The following DNPEP variants were observed in gnomAD, a reference collection of about 807,000 sequenced individuals.
DNPEP encodes aspartyl aminopeptidase.
A neutral mutation model predicts 59.1 loss-of-function variants in DNPEP; 46 were observed. The ratio of observed to expected loss-of-function variants is 0.78; its 90% confidence interval spans 0.61 to 0.99. The LOEUF (loss-of-function observed/expected upper bound fraction) is 0.99. Ranked by LOEUF, DNPEP falls within the 50% of genes least tolerant of loss-of-function variation. The pLI is 0.00. For missense variants in DNPEP, 617 were observed against 649.9 expected (o/e 0.95, Z 0.55); for synonymous variants, 229 against 242.2 (o/e 0.95, Z 0.50).
At chr2:219,377,537 A>G (rs1953423658) in intron 13 of DNPEP, among the ~76,000 whole-genome samples, 1 of 152,104 alleles carries the variant, frequency 6.6e-6, no homozygotes, top group Non-Finnish European at 1.5e-5. Flanking sequence ...AGGGTGGGCC[A>G]AATACCTGTA....
upstream of DNPEP, among the ~76,000 whole-genome samples, chr2:219,390,358 C>T (rs1457841389): frequency 1.3e-5 from 2 of 151,758 alleles, no homozygotes; most frequent in Admixed American, 1.3e-4. Flanking sequence ...GAAGGGTAGC[C>T]TAATTTAAAA....
chr2:219,384,131 T>A (rs758525950), intron 9 of DNPEP, among the ~76,000 whole-genome samples: 15 of 152,088 alleles, frequency 9.9e-5, no homozygotes, highest in Non-Finnish European at 1.8e-4. Flanking sequence ...TGAAACAACT[T>A]CTCCTCCTTC....
upstream of DNPEP, chr2:219,387,983 G>A: frequency 9.6e-7 from 1 of 1,040,652 alleles, no homozygotes; most frequent in Non-Finnish European, 1.2e-6. Flanking sequence ...CATCCGCCCC[G>A]CCCACCTCGG....
At chr2:219,391,266 G>T (rs778407558), upstream of DNPEP, among the ~76,000 whole-genome samples, 3 of 152,166 alleles carry the variant, frequency 2.0e-5, no homozygotes, top group East Asian at 5.8e-4. Context: ...AGCCTCTTTC[G>T]TCGGCTTTTC....
In DNPEP at chr2:219,374,271, G is replaced by A. The variant is rs1352351273; in HGVS notation, c.*21C>T. ...CCCTCTCAGGTGCAAAGGGATGGCA[G>A]AGAAGTCTTTCCAAGAGGGCTCAAT... On this transcript the variant is annotated 3_prime_UTR_variant, in exon 15 of 15. Transcript: ENST00000273075. 2 of 1,610,950 alleles carry A rather than the reference G, an allele frequency of 1.2e-6. No individual in the cohort carries two copies.
rs1346953016 is a variant in DNPEP at position 219,374,955 on chromosome 2, C to T, written c.1307G>A (p.Gly436Glu). 6.2e-7 allele frequency: 1 copy of T among 1,614,034 alleles called. No homozygotes were observed. The highest frequency in any genetic ancestry group is 1.7e-5 in the Admixed American group (1 of 59,996). Residue 436 changes from glycine (G) to glutamate (E), a missense_variant, in exon 14 of 15, where the codon GGG becomes GAG. Physicochemically the swap from Gly to Glu is moderately conservative, Grantham distance 98 (BLOSUM62 -2). Coordinates refer to ENST00000273075, the MANE Select transcript of DNPEP (RefSeq NM_012100.4). Reference sequence around the variant, plus strand: ...GCTGCCTAAATCCAGCACCCGCAGCCCCAGCCGAGAAGCCAAGATAGGTCC... The same window carrying T: ...GCTGCCTAAATCCAGCACCCGCAGCTCCAGCCGAGAAGCCAAGATAGGTCC... ...TIGPILASRL[G>E]LRVLDLGSPQ...
chr2:219,381,462 G>T, intron 12 of DNPEP, 26 bp from the exon 13 acceptor site: 1 of 1,613,946 alleles, frequency 6.2e-7, no homozygotes, highest in Non-Finnish European at 8.5e-7. Flanking sequence ...GTGAGGCAGA[G>T]GTAATGACAG....
intron 13 of DNPEP, among the ~76,000 whole-genome samples, chr2:219,378,843 T>G (rs1281223204): frequency 7.9e-6 from 1 of 127,228 alleles, no homozygotes; most frequent in African/African-American, 3.0e-5. Context: ...CGTGCAATTA[T>G]GTACAGTATG....
At chr2:219,379,697 C>T (rs1466770181) in intron 13 of DNPEP, among the ~76,000 whole-genome samples, 3 of 151,874 alleles carry the variant, frequency 2.0e-5, no homozygotes, top group East Asian at 3.9e-4. Context: ...CCGAGGCGGG[C>T]GGATCACAAG....
Position 219,375,013 on chromosome 2 carries a change from C to T in DNPEP, c.1249G>A (p.Val417Ile). 6.2e-7 allele frequency: 1 copy of T among 1,613,988 alleles called. No individual in the cohort carries two copies. The highest frequency in any genetic ancestry group is 8.5e-7 in the Non-Finnish European group (1 of 1,180,004). Residue 417 changes from valine (V) to isoleucine (I), a missense_variant, in exon 14 of 15, where the codon GTC becomes ATC. Transcript: ENST00000273075. ...GTTCCACAGGGGGTGTCATTCCGGA[C>T]CATGAGATCCTAGGGAGAGCAGGAG... Reference protein sequence around the residue: ...KVKVPLQDLMVRNDTPCGTTI... With the variant: ...KVKVPLQDLMIRNDTPCGTTI...
At chr2:219,399,548 TAAATTATC>T (rs755398705) in intron 1 of DNPEP, 19 of 544,238 alleles carry the variant, frequency 3.5e-5, no homozygotes, top group Non-Finnish European at 6.3e-5. Flanking sequence ...AACACTAATC[TAAATTATC>T]AAAAAACACT....
In DNPEP at chr2:219,385,660, T is replaced by C. The variant is rs1953782145; in HGVS notation, c.637A>G (p.Thr213Ala). 1 of 1,610,476 alleles carries C rather than the reference T, an allele frequency of 6.2e-7. No homozygotes were observed. Among genetic ancestry groups the C allele is most frequent in the South Asian group, 1.1e-5 (1 of 90,320 alleles). ...TAIQEELEKG[T>A]PEPGPLNAVD... Reference sequence around the variant, plus strand: ...GCATTGAGAGGCCCTGGCTCAGGAGTCCCCTTCTCCAGCTCCTCCTGGATG... The same window carrying C: ...GCATTGAGAGGCCCTGGCTCAGGAGCCCCCTTCTCCAGCTCCTCCTGGATG... Residue 213 changes from threonine to alanine, a missense_variant, in exon 7 of 15, where the codon ACT becomes GCT. By Grantham distance (58) the Thr-to-Ala change is moderately conservative. Transcript: ENST00000273075.
intron 10 of DNPEP, among the ~76,000 whole-genome samples, chr2:219,382,826 G>A (rs1163050950): frequency 6.6e-6 from 1 of 152,198 alleles, no homozygotes; most frequent in Non-Finnish European, 1.5e-5. Flanking sequence ...CCTCACACAC[G>A]CAGGCATCAT....
At position 219,387,907 on chromosome 2, in the gene DNPEP, C is replaced by T. The variant is rs1185689367; in HGVS notation, c.-113G>A. 5 of 1,383,456 alleles carry T rather than the reference C, an allele frequency of 3.6e-6. No homozygotes were observed. Among genetic ancestry groups the T allele is most frequent in the Non-Finnish European group, 4.7e-6 (5 of 1,071,158 alleles). The allele number at this position is 1,383,456 out of a possible 1,614,324, so 85.7% of individuals were successfully genotyped here. ...GCGCCGCACTCGTAGGCCTTCATCA[C>T]GCTTCCCCGGCCGCGCCGCCCCGCC... On this transcript the variant is annotated 5_prime_UTR_variant, in exon 1 of 15. It adds an upstream start codon to the 5' untranslated region. Transcript: ENST00000273075.
chr2:219,397,213 C>G (rs1406673725), intron 1 of DNPEP, among the ~76,000 whole-genome samples: 1 of 151,104 alleles, frequency 6.6e-6, no homozygotes, highest in Non-Finnish European at 1.5e-5. Context: ...CCTCCCCTCC[C>G]CTCCCACCCC....
At position 219,398,527 on chromosome 2, in the gene DNPEP, G is replaced by A. The variant is rs577989109; in HGVS notation, c.-158+1413C>T. On this transcript the variant is annotated intron_variant, in intron 1 of 6. Coordinates refer to the DNPEP transcript ENST00000434339. ...GAGCTGGGTGTGGTGGTACATGCCT[G>A]TAATCCTAGCTACTTGGGAGGATGA... Among the ~76,000 whole-genome samples the A allele has an allele frequency of 6.6e-5, 10 of 152,238 alleles. No homozygotes were observed. In the East Asian group the frequency reaches 1.9e-3, roughly 29 times the overall value.
chr2:219,384,244 A>T, intron 9 of DNPEP, 122 bp downstream of exon 9: 1 of 916,222 alleles, frequency 1.1e-6, no homozygotes, highest in Non-Finnish European at 1.7e-6. Flanking sequence ...GCACCAGCAG[A>T]CTGAGCGGGT....
chr2:219,386,443 C>T, intron 4 of DNPEP, 32 bp from the exon 5 acceptor site: 1 of 1,613,730 alleles, frequency 6.2e-7, no homozygotes, highest in Non-Finnish European at 8.5e-7. Flanking sequence ...TCAGAGAAGG[C>T]TTCATGACGA....
chr2:219,377,500 A>G lies in DNPEP; in HGVS notation c.1240-2478T>C, dbSNP rs560342435. ...CATTTAAGCAACATATCAGCCAAAT[A>G]TAACGCATTGTCCTGAGTTGGATAC... On this transcript the variant is annotated intron_variant, in intron 13 of 14. Transcript: ENST00000273075. Among the ~76,000 whole-genome samples the G allele has an allele frequency of 4.6e-5, 7 of 152,284 alleles. No homozygotes were observed. The South Asian group carries it at 1.4e-3, about 32-fold the overall frequency.
Sources: allele counts gnomAD v4.1 joint callset (sites outside exome capture counted in the v4.1 genomes callset), GRCh38; gene constraint gnomAD v4.1.1; transcripts MANE v1.5; gene names NCBI Gene and HGNC (gene_info 2026-07-23, HGNC 2026-07-21).